The following PHF21B variants were observed in gnomAD, a reference collection of about 807,000 sequenced individuals.
PHF21B encodes PHD finger protein 21B.
A neutral mutation model predicts 62.2 loss-of-function variants in PHF21B; 22 were observed. The observed-to-expected ratio is 0.35, with a 90% CI of 0.25 to 0.51. The LOEUF is 0.51. Among genes scored for constraint, PHF21B ranks in the 20% least tolerant of loss-of-function variants. PHF21B has a pLI of 0.97. For synonymous variants in PHF21B, 341 were observed against 314.7 expected (o/e 1.08, Z -0.88); for missense variants, 701 against 707.9 (o/e 0.99, Z 0.11).
intron 2 of PHF21B, among the ~76,000 whole-genome samples, chr22:44,981,792 G>C (rs1408729487): frequency 6.6e-6 from 1 of 152,248 alleles, no homozygotes; most frequent in African/African-American, 2.4e-5. Context: ...TTCTGCTCAA[G>C]GACACGCTGG....
At chr22:44,896,005 CCTG>C in intron 6 of PHF21B, 24 bp downstream of exon 6, 1 of 1,614,124 alleles carries the variant, frequency 6.2e-7, no homozygotes, top group Non-Finnish European at 8.5e-7. Flanking sequence ...CCCAGCCCAA[CCTG>C]CTGCTACCTG....
At chr22:44,975,064 C>T (rs1023613491) in intron 2 of PHF21B, among the ~76,000 whole-genome samples, 3 of 152,302 alleles carry the variant, frequency 2.0e-5, no homozygotes, top group East Asian at 3.9e-4. Context: ...TGGACGCTGA[C>T]CCCACCTTCT....
chr22:44,945,375 C>T (rs2072046544), intron 2 of PHF21B, among the ~76,000 whole-genome samples: 2 of 152,236 alleles, frequency 1.3e-5, no homozygotes, highest in Admixed American at 1.3e-4. Flanking sequence ...ATGGGAGGCA[C>T]TTGTCTGTGC....
chr22:44,937,150 A>G (rs1263142953), intron 2 of PHF21B, among the ~76,000 whole-genome samples: 2 of 152,268 alleles, frequency 1.3e-5, no homozygotes, highest in South Asian at 2.1e-4. Flanking sequence ...ACAGGCATGA[A>G]CCACCGCACC....
chr22:44,928,847 A>G (rs1601609212), intron 2 of PHF21B, among the ~76,000 whole-genome samples: 1 of 152,138 alleles, frequency 6.6e-6, no homozygotes, highest in Non-Finnish European at 1.5e-5. Context: ...CAGAGTCTTC[A>G]CCCACCATTC....
At chr22:44,912,913 A>C (rs1028372019) in intron 5 of PHF21B, among the ~76,000 whole-genome samples, 6 of 151,154 alleles carry the variant, frequency 4.0e-5, no homozygotes, top group Admixed American at 3.9e-4. Flanking sequence ...AAAGAAAGGA[A>C]AAAAGAAAAG....
intron 2 of PHF21B, 26 bp downstream of exon 2, chr22:45,008,519 G>T (rs538171309): frequency 2.6e-6 from 4 of 1,531,420 alleles, no homozygotes; most frequent in Non-Finnish European, 3.5e-6. Context: ...CCCCATCCCA[G>T]GGGGGGCCGC....
chr22:44,963,781 G>A (rs978654241), intron 2 of PHF21B, among the ~76,000 whole-genome samples: 6 of 152,204 alleles, frequency 3.9e-5, no homozygotes, highest in African/African-American at 1.2e-4. Context: ...CCAAAGTTCG[G>A]AGAAGCAGGC....
At chr22:44,898,368 C>A (rs932113811) in intron 5 of PHF21B, among the ~76,000 whole-genome samples, 1 of 152,132 alleles carries the variant, frequency 6.6e-6, no homozygotes. Context: ...AGGGCGTAGA[C>A]CACCCACCTG....
chr22:45,007,044 GGCCCCCCTC>G, intron 2 of PHF21B, among the ~76,000 whole-genome samples: 1 of 152,070 alleles, frequency 6.6e-6, no homozygotes, highest in East Asian at 1.9e-4. Flanking sequence ...CCGCGCGCCG[GGCCCCCCTC>G]CGGCGGGAAT....
At position 44,896,880 on chromosome 22, in the gene PHF21B, G is replaced by GTTTTTTTTTTTTTTTTTTT. The variant is rs56878868; in HGVS notation, c.832-798_832-797insAAAAAAAAAAAAAAAAAAA. On this transcript the variant is annotated intron_variant, in intron 5 of 12. Coordinates refer to ENST00000313237, the MANE Select transcript of PHF21B (RefSeq NM_138415.5). ...AACAGGGTGGCACTTAGTTTTATCT[G>GTTTTTTTTTTTTTTTTTTT]TTTTTTTTTTTTTTTTGAGACAGGT... Among the ~76,000 whole-genome samples, 142 of 84,078 alleles carry GTTTTTTTTTTTTTTTTTTT rather than the reference G, an allele frequency of 1.7e-3. 13 individuals are homozygous for GTTTTTTTTTTTTTTTTTTT. The highest frequency in any genetic ancestry group is 2.4e-3 in the African/African-American group (58 of 24,228). The allele number at this position is 84,078 out of a possible 152,430, so 55.2% of individuals were successfully genotyped here. A position where few individuals can be genotyped will look rare whatever the true frequency, so the allele number is the denominator to read the frequency against.
intron 2 of PHF21B, among the ~76,000 whole-genome samples, chr22:44,958,566 TCTC>T (rs983258817): frequency 6.6e-6 from 1 of 151,548 alleles, no homozygotes; most frequent in African/African-American, 2.4e-5. Context: ...CTTTGAGAGA[TCTC>T]CTCAGCTTCA....
At chr22:44,950,323 C>G (rs1254781566) in intron 2 of PHF21B, among the ~76,000 whole-genome samples, 1 of 152,266 alleles carries the variant, frequency 6.6e-6, no homozygotes, top group African/African-American at 2.4e-5. Context: ...CCTCAATACC[C>G]TCTGTCGTTT....
chr22:44,972,909 G>A (rs571202575), intron 2 of PHF21B, among the ~76,000 whole-genome samples: 2 of 152,182 alleles, frequency 1.3e-5, no homozygotes, highest in African/African-American at 2.4e-5. Context: ...AAGTAGGGGC[G>A]GGGGAGGGAG....
intron 2 of PHF21B, among the ~76,000 whole-genome samples, chr22:44,936,516 C>T (rs2071850659): frequency 2.0e-5 from 3 of 152,170 alleles, no homozygotes; most frequent in Admixed American, 6.5e-5. Flanking sequence ...GAGACAGGAC[C>T]GCCTCCTGCC....
At chr22:44,932,707 C>T (rs1165644780) in intron 2 of PHF21B, among the ~76,000 whole-genome samples, 2 of 152,380 alleles carry the variant, frequency 1.3e-5, no homozygotes, top group Admixed American at 1.3e-4. Context: ...CGCACCTGCA[C>T]CACGGAATGC....
At chr22:45,007,505 A>C (rs1330054270) in intron 2 of PHF21B, among the ~76,000 whole-genome samples, 22 of 135,296 alleles carry the variant, frequency 1.6e-4, no homozygotes, top group Non-Finnish European at 2.5e-4. Context: ...TGCGGCCGGC[A>C]TTCCGAAGGA....
chr22:44,990,772 A>C (rs1484432188), intron 2 of PHF21B, among the ~76,000 whole-genome samples: 2 of 152,246 alleles, frequency 1.3e-5, no homozygotes, highest in Non-Finnish European at 2.9e-5. Context: ...CACAGCGTGA[A>C]TATATCTAAT....
At chr22:44,897,548 G>A (rs919920291) in intron 5 of PHF21B, among the ~76,000 whole-genome samples, 1 of 152,130 alleles carries the variant, frequency 6.6e-6, no homozygotes, top group Non-Finnish European at 1.5e-5. Context: ...ACTCAAGGCC[G>A]GCCACAGAGT....
Sources: allele counts gnomAD v4.1 joint callset (sites outside exome capture counted in the v4.1 genomes callset), GRCh38; gene constraint gnomAD v4.1.1; transcripts MANE v1.5; gene names NCBI Gene and HGNC (gene_info 2026-07-23, HGNC 2026-07-21).